The following RAB3C variants were observed in gnomAD, a reference collection of about 807,000 sequenced individuals.
The protein encoded by RAB3C is ras-related protein Rab-3C.
Under a neutral mutation model 26.4 loss-of-function variants are expected in RAB3C, and 17 were observed. The observed-to-expected ratio is 0.64, with a 90% confidence interval of 0.44 to 0.97. RAB3C has a LOEUF of 0.97. Among genes scored for constraint, RAB3C ranks in the 50% least tolerant of loss-of-function variants. The pLI is 0.00. For synonymous variants in RAB3C, 91 were observed against 95.9 expected, an observed-to-expected ratio of 0.95 and a Z score of 0.30; for missense variants, 242 against 281.9, an observed-to-expected ratio of 0.86 and a Z score of 1.01.
chr5:58,811,164 T>G (rs998113576), intron 3 of RAB3C, among the ~76,000 whole-genome samples: 2 of 152,210 alleles, frequency 1.3e-5, no homozygotes, highest in African/African-American at 4.8e-5. Context: ...GATGCATTAT[T>G]TGATAGGAGG....
chr5:58,705,473 CA>C (rs1370121319), intron 2 of RAB3C, among the ~76,000 whole-genome samples: 2 of 152,038 alleles, frequency 1.3e-5, no homozygotes, highest in Non-Finnish European at 2.9e-5. Flanking sequence ...ATTTTGATGA[CA>C]AATTTTGCAT....
chr5:58,771,751 T>C (rs1467310449), intron 3 of RAB3C, among the ~76,000 whole-genome samples: 3 of 152,074 alleles, frequency 2.0e-5, no homozygotes, highest in Non-Finnish European at 2.9e-5. Context: ...TGTGAATGTC[T>C]CAAGTTCAAA....
chr5:58,793,205 C>T (rs1304188431), intron 3 of RAB3C, among the ~76,000 whole-genome samples: 1 of 152,056 alleles, frequency 6.6e-6, no homozygotes, highest in Non-Finnish European at 1.5e-5. Context: ...GGATACAATA[C>T]CAAAAGAGAA....
chr5:58,695,274 T>C (rs532480482), intron 2 of RAB3C, among the ~76,000 whole-genome samples: 12 of 152,342 alleles, frequency 7.9e-5, no homozygotes, highest in African/African-American at 2.2e-4. Context: ...TTCTGTTCCA[T>C]TGGGCTATAT....
intron 2 of RAB3C, chr5:58,644,471 GAT>G (rs1402318140): frequency 6.6e-6 from 1 of 152,110 alleles, no homozygotes; most frequent in East Asian, 1.9e-4. Context: ...TCATAATTAT[GAT>G]ATCTGAGACA....
chr5:58,740,783 G>T (rs1000317633), intron 3 of RAB3C, among the ~76,000 whole-genome samples: 6 of 152,048 alleles, frequency 3.9e-5, no homozygotes, highest in African/African-American at 7.2e-5. Flanking sequence ...TCATGCCACT[G>T]CACTCCAGCC....
chr5:58,792,089 A>G (rs1579920555), intron 3 of RAB3C, among the ~76,000 whole-genome samples: 1 of 152,246 alleles, frequency 6.6e-6, no homozygotes, highest in Admixed American at 6.5e-5. Context: ...TTTCAAAGTA[A>G]TATCTTATAT....
chr5:58,600,350 G>T (rs1396980846), intron 1 of RAB3C, among the ~76,000 whole-genome samples: 1 of 151,862 alleles, frequency 6.6e-6, no homozygotes, highest in Admixed American at 6.6e-5. Flanking sequence ...ATGAATTTTA[G>T]AATTTTTTTT....
chr5:58,838,745 G>A (rs1213940249), intron 4 of RAB3C, among the ~76,000 whole-genome samples: 2 of 152,104 alleles, frequency 1.3e-5, no homozygotes, highest in African/African-American at 4.8e-5. Context: ...ATGTTTCTTT[G>A]TTAATTTCCT....
chr5:58,810,977 A>G (rs1278292386), intron 3 of RAB3C, among the ~76,000 whole-genome samples: 1 of 152,204 alleles, frequency 6.6e-6, no homozygotes, highest in Non-Finnish European at 1.5e-5. Context: ...TCAGCCTCCA[A>G]GGAATGTGGT....
intron 2 of RAB3C, among the ~76,000 whole-genome samples, chr5:58,704,343 T>C (rs928456388): frequency 6.6e-6 from 1 of 152,184 alleles, no homozygotes; most frequent in Non-Finnish European, 1.5e-5. Flanking sequence ...GCATGTAATT[T>C]GTGGTTCATA....
chr5:58,774,333 A>G (rs1052668970), intron 3 of RAB3C, among the ~76,000 whole-genome samples: 1 of 152,022 alleles, frequency 6.6e-6, no homozygotes, highest in East Asian at 1.9e-4. Context: ...TTCTATTAAT[A>G]TCTGCTCCCC....
At chr5:58,626,882 T>C (rs1747063506) in intron 2 of RAB3C, among the ~76,000 whole-genome samples, 1 of 152,136 alleles carries the variant, frequency 6.6e-6, no homozygotes, top group African/African-American at 2.4e-5. Flanking sequence ...AGAACTTCAA[T>C]TTTGGTGTCC....
rs1744270461 is a variant in RAB3C at position 58,856,879 on chromosome 5, T to G, written c.*5528T>G. On this transcript the variant is annotated 3_prime_UTR_variant, in exon 5 of 5. Transcript: ENST00000282878. ...TGGCTTTCCATGCATTGTCTCATTA[T>G]CCCTAGGATACGTGCTAAAGGAAAA... The G allele has an allele frequency of 6.6e-6, 1 of 152,220 alleles. No homozygotes were observed. Among genetic ancestry groups the G allele is most frequent in the Admixed American group, 6.5e-5 (1 of 15,280 alleles). 9.4% of individuals were successfully genotyped at this position (152,220 alleles called of 1,614,324 possible).
chr5:58,828,666 G>T (rs1743541759), intron 4 of RAB3C, among the ~76,000 whole-genome samples: 1 of 152,178 alleles, frequency 6.6e-6, no homozygotes, highest in African/African-American at 2.4e-5. Flanking sequence ...ATCTGCAGCT[G>T]AATTGGCTGG....
intron 2 of RAB3C, among the ~76,000 whole-genome samples, chr5:58,636,230 C>T (rs1747286752): frequency 6.6e-6 from 1 of 152,206 alleles, no homozygotes; most frequent in Non-Finnish European, 1.5e-5. Context: ...TTCCTGGTAT[C>T]CCAATTTCCT....
At chr5:58,745,942 A>G (rs2111955021) in intron 3 of RAB3C, among the ~76,000 whole-genome samples, 1 of 152,292 alleles carries the variant, frequency 6.6e-6, no homozygotes, top group South Asian at 2.1e-4. Context: ...GAATGAGGAA[A>G]ATGCCCAAGC....
chr5:58,607,041 A>G (rs998745324), intron 1 of RAB3C, among the ~76,000 whole-genome samples: 9 of 152,194 alleles, frequency 5.9e-5, no homozygotes, highest in Non-Finnish European at 1.3e-4. Context: ...CAGCAACAGA[A>G]CAAAGCTGGA....
intron 2 of RAB3C, among the ~76,000 whole-genome samples, chr5:58,705,797 C>CTAACCTTATT (rs1013047934): frequency 6.6e-6 from 1 of 152,120 alleles, no homozygotes; most frequent in Non-Finnish European, 1.5e-5. Flanking sequence ...CCTTTGCTTC[C>CTAACCTTATT]TAACCTTATT....
Sources: gnomAD v4.1 joint callset for allele counts (sites outside exome capture counted in the v4.1 genomes callset) on GRCh38, gnomAD v4.1.1 for gene constraint, MANE v1.5 for transcripts, NCBI Gene and HGNC (gene_info 2026-07-23, HGNC 2026-07-21) for gene names.